CCDC146: variants seen among roughly 807,000 people sequenced by gnomAD.
The protein encoded by CCDC146 is coiled-coil domain-containing protein 146.
Under a neutral mutation model 119.3 loss-of-function variants are expected in CCDC146, and 92 were observed. The observed-to-expected ratio is 0.77, with a 90% confidence interval of 0.65 to 0.92. The LOEUF (loss-of-function observed/expected upper bound fraction) is 0.92. Among genes scored for constraint, CCDC146 ranks in the 40% least tolerant of loss-of-function variants. The pLI is 0.00. For synonymous variants in CCDC146, 372 were observed against 371.8 expected (o/e 1.00, Z -0.01); for missense variants, 1,000 against 1,103.0 (o/e 0.91, Z 1.32).
At chr7:77,262,082 A>G in intron 8 of CCDC146, 39 bp from the exon 9 acceptor site, 1 of 1,507,822 alleles carries the variant, frequency 6.6e-7, no homozygotes, top group East Asian at 2.3e-5. Flanking sequence ...GACAGCTGAT[A>G]ACAAAATCAT....
At chr7:77,167,336 G>A (rs1287737517) in intron 1 of CCDC146, among the ~76,000 whole-genome samples, 4 of 152,028 alleles carry the variant, frequency 2.6e-5, no homozygotes, top group Admixed American at 6.6e-5. Flanking sequence ...TTTCATAAAT[G>A]TCTAGGCTGA....
intron 2 of CCDC146, among the ~76,000 whole-genome samples, chr7:77,168,540 CA>C (rs1791372525): frequency 6.6e-6 from 1 of 151,524 alleles, no homozygotes; most frequent in Admixed American, 6.6e-5. Context: ...AGTCTTAAGG[CA>C]AAAACAGTTT....
chr7:77,254,654 C>G lies in CCDC146; in HGVS notation c.507+91C>G, dbSNP rs963103129. ...TTAATGTTTATCACAACCACCATAG[C>G]CTGAAACATTTTAAAGACTCTAAAG... On this transcript the variant is annotated intron_variant, in intron 5 of 18. Transcript: ENST00000285871. 3.0e-5 allele frequency: 21 copies of G among 704,342 alleles called. No individual in the cohort carries two copies. The African/African-American group carries it at 3.5e-4, about 12-fold the overall frequency. 43.6% of individuals were successfully genotyped at this position (704,342 alleles called of 1,614,324 possible). A position where few individuals can be genotyped will look rare whatever the true frequency, so the allele number is the denominator to read the frequency against.
intron 17 of CCDC146, among the ~76,000 whole-genome samples, chr7:77,290,599 C>T (rs967197447): frequency 1.3e-5 from 2 of 152,202 alleles, no homozygotes; most frequent in African/African-American, 4.8e-5. Context: ...TGCTGCTGGA[C>T]TGTTCAGTCT....
rs545340101 is a variant in CCDC146, at chr7:77,268,509, G to T, written c.1174-5185G>T. 2.4e-4 allele frequency among the ~76,000 whole-genome samples: 36 copies of T among 152,224 alleles called. No individual in the cohort carries two copies. The South Asian group carries it at 7.3e-3, about 31-fold the overall frequency. On this transcript the variant is annotated intron_variant, in intron 9 of 18. Transcript: ENST00000285871. ...GCTTACTGCACTGCTCTCATTCTAG[G>T]AGCCTTACTCCATCATCTTGCTGAT...
chr7:77,209,656 A>G (rs963028980), intron 2 of CCDC146, among the ~76,000 whole-genome samples: 59 of 152,210 alleles, frequency 3.9e-4, no homozygotes, highest in African/African-American at 1.4e-3. Context: ...GAGGTTCTCC[A>G]TGAGGGCTCC....
rs376775452 is a variant in CCDC146 at position 77,199,900 on chromosome 7, C to T, written c.156+32076C>T. 8.0e-4 allele frequency: 1,090 copies of T among 1,354,134 alleles called. 3 individuals carry two copies. Among genetic ancestry groups the T allele is most frequent in the Non-Finnish European group, 5.9e-4 (590 of 1,002,744 alleles). 83.9% of individuals were successfully genotyped at this position (1,354,134 alleles called of 1,614,324 possible). A position where few individuals can be genotyped will look rare whatever the true frequency, so the allele number is the denominator to read the frequency against. On this transcript the variant is annotated intron_variant, in intron 2 of 18. Coordinates refer to ENST00000285871, the MANE Select transcript of CCDC146 (RefSeq NM_020879.3). ...CTGTGTTCCCAGGAAAGGGTGGGAG[C>T]GTTTGCATCACAAGTTTTAGAAACG...
chr7:77,126,517 A>G (rs1431237369), intron 1 of CCDC146, among the ~76,000 whole-genome samples: 1 of 152,038 alleles, frequency 6.6e-6, no homozygotes, highest in Non-Finnish European at 1.5e-5. Flanking sequence ...TCATCTGTCC[A>G]GCATTCAGTT....
chr7:77,167,871 G>A (rs1791361378), intron 2 of CCDC146, 47 bp downstream of exon 2: 4 of 1,585,232 alleles, frequency 2.5e-6, no homozygotes, highest in African/African-American at 2.7e-5. Flanking sequence ...AACTCAACAT[G>A]TACTTAAAAA....
chr7:77,202,692 A>G (rs551046126), intron 2 of CCDC146, among the ~76,000 whole-genome samples: 1 of 152,266 alleles, frequency 6.6e-6, no homozygotes, highest in East Asian at 1.9e-4. Flanking sequence ...CAACTCCCCT[A>G]ATGAGTGTAT....
chr7:77,288,365 G>T (rs1422538697), intron 17 of CCDC146, among the ~76,000 whole-genome samples: 1 of 152,246 alleles, frequency 6.6e-6, no homozygotes, highest in African/African-American at 2.4e-5. Flanking sequence ...TGCAGGCTGT[G>T]CAGGAAGCAT....
At chr7:77,275,032 A>G (rs1249353744) in intron 11 of CCDC146, among the ~76,000 whole-genome samples, 1 of 149,778 alleles carries the variant, frequency 6.7e-6, no homozygotes, top group Non-Finnish European at 1.5e-5. Flanking sequence ...TATAATAAAA[A>G]TATATAAATA....
At chr7:77,156,170 A>C (rs1236594728) in intron 1 of CCDC146, among the ~76,000 whole-genome samples, 1 of 152,214 alleles carries the variant, frequency 6.6e-6, no homozygotes, top group Non-Finnish European at 1.5e-5. Flanking sequence ...ACATGCGTAT[A>C]ATCTAAGAGG....
At chr7:77,176,533 G>A (rs1453052673) in intron 2 of CCDC146, among the ~76,000 whole-genome samples, 1 of 144,462 alleles carries the variant, frequency 6.9e-6, no homozygotes, top group African/African-American at 2.8e-5. Flanking sequence ...AGGTCTGAAG[G>A]GAATGTCCGG....
In CCDC146 at chr7:77,168,362, T is replaced by C. The variant is rs1352756632; in HGVS notation, c.156+538T>C. On this transcript the variant is annotated intron_variant, in intron 2 of 18. Transcript: ENST00000285871. ...ACCCATATATGAGGAGAGTTTTTTT[T>C]TTTTTAAGTAATGGCTGACTATGTA... Among the ~76,000 whole-genome samples the C allele has an allele frequency of 2.0e-5, 3 of 151,938 alleles. No individual in the cohort carries two copies. The East Asian group carries it at 5.8e-4, about 29-fold the overall frequency.
chr7:77,278,904 A>G (rs372159547), intron 12 of CCDC146, 33 bp from the exon 13 acceptor site: 26 of 1,602,546 alleles, frequency 1.6e-5, no homozygotes, highest in African/African-American at 8.1e-5. Context: ...TGTTCATTTC[A>G]TAAGTTTCAG....
chr7:77,282,913 T>C (rs556434314), intron 15 of CCDC146, 128 bp downstream of exon 15: 1 of 654,552 alleles, frequency 1.5e-6, no homozygotes, highest in East Asian at 2.7e-5. Flanking sequence ...TCCATCCATC[T>C]TGTTTAAAAA....
intron 2 of CCDC146, chr7:77,199,684 T>A: frequency 6.2e-7 from 1 of 1,614,174 alleles, no homozygotes; most frequent in Non-Finnish European, 8.5e-7. Context: ...TGGGCAGACA[T>A]CCTTTGCTCT....
chr7:77,272,719 ACT>A (rs541149610), intron 9 of CCDC146, among the ~76,000 whole-genome samples: 74 of 152,192 alleles, frequency 4.9e-4, no homozygotes, highest in African/African-American at 1.7e-3. Flanking sequence ...CCTCCTCTCT[ACT>A]CTCGTCTTCA....
Sources: allele counts gnomAD v4.1 joint callset (sites outside exome capture counted in the v4.1 genomes callset), GRCh38; gene constraint gnomAD v4.1.1; transcripts MANE v1.5; gene names NCBI Gene and HGNC (gene_info 2026-07-23, HGNC 2026-07-21).